SRGAP1: variants seen among roughly 807,000 people sequenced by gnomAD.
The protein encoded by SRGAP1 is SLIT-ROBO Rho GTPase-activating protein 1.
A neutral mutation model predicts 121.9 loss-of-function variants in SRGAP1; 43 were observed. That is an observed-to-expected ratio of 0.35 (90% confidence interval 0.28 to 0.46). The LOEUF (loss-of-function observed/expected upper bound fraction) is 0.46, where lower values mean the gene tolerates loss of function less well. SRGAP1 is among the 20% of genes least tolerant of loss of function. The pLI, the probability that SRGAP1 is intolerant of heterozygous loss-of-function variation, is 1.00. For missense variants in SRGAP1, 1,102 were observed against 1,350.9 expected, an observed-to-expected ratio of 0.82 and a Z score of 2.89; for synonymous variants, 447 against 485.4, an observed-to-expected ratio of 0.92 and a Z score of 1.04.
intron 3 of SRGAP1, among the ~76,000 whole-genome samples, chr12:64,005,891 A>G (rs2034066151): frequency 6.6e-6 from 1 of 152,158 alleles, no homozygotes. Context: ...TTTATTCAAC[A>G]AACCTCTATT....
At chr12:63,934,654 C>G (rs930367620) in intron 1 of SRGAP1, among the ~76,000 whole-genome samples, 4 of 152,132 alleles carry the variant, frequency 2.6e-5, no homozygotes, top group African/African-American at 4.8e-5. Flanking sequence ...AACCACCACC[C>G]CCCCCAACAA....
At chr12:64,012,238 A>G (rs925358800) in intron 3 of SRGAP1, among the ~76,000 whole-genome samples, 8 of 152,220 alleles carry the variant, frequency 5.3e-5, no homozygotes, top group Admixed American at 4.6e-4. Context: ...TAAACAGTAA[A>G]CAATTGGAAA....
At chr12:64,039,500 A>T (rs2034966527) in intron 4 of SRGAP1, among the ~76,000 whole-genome samples, 1 of 152,080 alleles carries the variant, frequency 6.6e-6, no homozygotes, top group African/African-American at 2.4e-5. Flanking sequence ...TCTTTGCGAT[A>T]ATTTATTTAA....
rs386376760 is a variant in SRGAP1 at position 64,012,551 on chromosome 12, C to CTTTTTTTTT, written c.427-4382_427-4374dup. Among the ~76,000 whole-genome samples, 40 of 77,676 alleles carry CTTTTTTTTT rather than the reference C, an allele frequency of 5.1e-4. 3 individuals are homozygous for CTTTTTTTTT. The highest frequency in any genetic ancestry group is 1.2e-3 in the African/African-American group (20 of 17,386). The allele number at this position is 77,676 out of a possible 152,430, so 51.0% of individuals were successfully genotyped here. A position where few individuals can be genotyped will look rare whatever the true frequency, so the allele number is the denominator to read the frequency against. ...GCTTTCAAATATTTTAAGTTATTAT[C>CTTTTTTTTT]TTTTTTTTTTTTTTTTTTTTTTTTT... is the stretch of plus-strand genomic sequence containing the variant. On this transcript the variant is annotated intron_variant, in intron 3 of 21. Transcript: ENST00000355086.
At chr12:63,959,044 T>C (rs2032557960) in intron 1 of SRGAP1, among the ~76,000 whole-genome samples, 2 of 152,150 alleles carry the variant, frequency 1.3e-5, no homozygotes, top group Non-Finnish European at 2.9e-5. Context: ...GGGTGTTTTT[T>C]CATTACCAGA....
rs1281365323 is a variant in SRGAP1, at chr12:64,145,879, G to A, written c.*3207G>A. 1 of 152,182 alleles carries A rather than the reference G, an allele frequency of 6.6e-6. No individual in the cohort carries two copies. Among genetic ancestry groups the A allele is most frequent in the African/African-American group, 2.4e-5 (1 of 41,426 alleles). The allele number at this position is 152,182 out of a possible 1,614,324, so 9.4% of individuals were successfully genotyped here. A position where few individuals can be genotyped will look rare whatever the true frequency, so the allele number is the denominator to read the frequency against. ...TTTCAAGGAGCTTATCAGGCTTCAT[G>A]TGCAATTTGGGGAGGGGAGCTTTTT... On this transcript the variant is annotated 3_prime_UTR_variant, in exon 22 of 22. Coordinates refer to ENST00000355086, the MANE Select transcript of SRGAP1 (RefSeq NM_020762.4).
At chr12:64,064,859 G>A (rs1420250851) in intron 7 of SRGAP1, among the ~76,000 whole-genome samples, 4 of 152,136 alleles carry the variant, frequency 2.6e-5, no homozygotes, top group Non-Finnish European at 4.4e-5. Flanking sequence ...CGCAGGAACC[G>A]CCCCATTCTT....
At chr12:63,849,370 G>T (rs920691283) in intron 1 of SRGAP1, among the ~76,000 whole-genome samples, 1 of 152,208 alleles carries the variant, frequency 6.6e-6, no homozygotes, top group African/African-American at 2.4e-5. Flanking sequence ...GACTCATAAA[G>T]ACATGTTTTA....
intron 11 of SRGAP1, 52 bp from the exon 12 acceptor site, chr12:64,091,224 C>A: frequency 7.5e-7 from 1 of 1,332,872 alleles, no homozygotes; most frequent in Non-Finnish European, 1.0e-6. Flanking sequence ...ATAGATGTTT[C>A]ATTTATTGTT....
intron 6 of SRGAP1, among the ~76,000 whole-genome samples, chr12:64,060,471 G>A (rs1384364013): frequency 2.0e-5 from 3 of 152,096 alleles, no homozygotes; most frequent in African/African-American, 7.2e-5. Flanking sequence ...GCCCCTTGAA[G>A]TGCTGGGATT....
rs532712817 is a variant in SRGAP1 at position 64,085,933 on chromosome 12, C to T, written c.1409-1066C>T. Among the ~76,000 whole-genome samples, 170 of 152,286 alleles carry T rather than the reference C, an allele frequency of 1.1e-3. 1 individual carries two copies. The highest frequency in any genetic ancestry group is 1.6e-3 in the Non-Finnish European group (106 of 68,034). On this transcript the variant is annotated intron_variant, in intron 10 of 21. Transcript: ENST00000355086. The stretch of plus-strand genomic sequence containing the variant: ...AGTCTCAGATTTTAACTGTTTCACC[C>T]TATTTAATCAATAGATATTAACCAA...
chr12:63,977,213 C>T (rs1348208276), intron 1 of SRGAP1, among the ~76,000 whole-genome samples: 1 of 152,132 alleles, frequency 6.6e-6, no homozygotes, highest in African/African-American at 2.4e-5. Flanking sequence ...CATCTCATTG[C>T]GTTGCTCTGA....
intron 13 of SRGAP1, 61 bp from the exon 14 acceptor site, chr12:64,095,066 A>G: frequency 1.2e-6 from 2 of 1,608,310 alleles, no homozygotes; most frequent in South Asian, 2.2e-5. Context: ...ACTTCCTGGG[A>G]AAAGAGGGAC....
chr12:63,963,177 C>G (rs1387876285), intron 1 of SRGAP1, among the ~76,000 whole-genome samples: 1 of 152,088 alleles, frequency 6.6e-6, no homozygotes, highest in African/African-American at 2.4e-5. Context: ...CAGGAACCAC[C>G]AGTTAAGAGA....
At chr12:63,903,751 C>T (rs906167471) in intron 1 of SRGAP1, among the ~76,000 whole-genome samples, 3 of 152,228 alleles carry the variant, frequency 2.0e-5, no homozygotes, top group Admixed American at 1.3e-4. Flanking sequence ...TCTCCTGCCT[C>T]AGCCTCCTGA....
intron 3 of SRGAP1, among the ~76,000 whole-genome samples, chr12:64,016,536 T>A (rs995311231): frequency 1.1e-4 from 17 of 152,170 alleles, no homozygotes; most frequent in South Asian, 4.1e-4. Flanking sequence ...TGAGTCACAT[T>A]GTAACTTTGG....
At chr12:63,983,317 C>G (rs574935315) in intron 1 of SRGAP1, 9 of 152,166 alleles carry the variant, frequency 5.9e-5, no homozygotes, top group Admixed American at 5.2e-4. Flanking sequence ...GAAAAAATTG[C>G]AGTGTTTCCA....
intron 6 of SRGAP1, among the ~76,000 whole-genome samples, chr12:64,048,956 T>A (rs1441301557): frequency 6.6e-6 from 1 of 152,200 alleles, no homozygotes; most frequent in Non-Finnish European, 1.5e-5. Context: ...GTGGATTCTC[T>A]CTTCACTTTG....
Position 64,127,955 on chromosome 12 carries a change from A to G in SRGAP1, c.2635A>G (p.Asn879Asp). The G allele has an allele frequency of 6.2e-7, 1 of 1,614,188 alleles. No homozygotes were observed. The highest frequency in any genetic ancestry group is 1.1e-5 in the South Asian group (1 of 91,082). The change falls in exon 21 of 22, where the codon AAC becomes GAC. Residue 879 changes from asparagine to aspartate, a missense_variant. This residue lies in a region of SRGAP1 where 315 missense variants were observed against 343.1 expected (regional missense o/e 0.92). Transcript: ENST00000355086. ...CPLHPPHALS[N>D]SSVDLGSPSL... The stretch of plus-strand genomic sequence containing the variant: ...GCTCCACCCTCCACATGCCCTTTCT[A>G]ACTCCTCAGTTGACCTAGGGTCCCC...
Sources: gnomAD v4.1 joint callset for allele counts (sites outside exome capture counted in the v4.1 genomes callset) on GRCh38, gnomAD v4.1.1 for gene constraint, gnomAD v4.1.1 regional missense constraint, MANE v1.5 for transcripts, NCBI Gene and HGNC (gene_info 2026-07-23, HGNC 2026-07-21) for gene names.